Variants in RBFOX1 observed in about 807,000 individuals in gnomAD.
RBFOX1 encodes RNA binding fox-1 homolog 1.
RBFOX1 carries 8 observed loss-of-function variants against 57.7 expected under a neutral mutation model. The observed-to-expected ratio is 0.14, with a 90% confidence interval of 0.08 to 0.25. The LOEUF (loss-of-function observed/expected upper bound fraction) is 0.25, where lower values mean the gene tolerates loss of function less well. Ranked by LOEUF, RBFOX1 falls within the 10% of genes least tolerant of loss-of-function variation. The pLI is 1.00. For synonymous variants in RBFOX1, 326 were observed against 222.4 expected (o/e 1.47, Z -4.15); for missense variants, 611 against 548.5 (o/e 1.11, Z -1.14).
chr16:5,937,755 A>C (rs1224123992), intron 4 of RBFOX1, among the ~76,000 whole-genome samples: 2 of 149,330 alleles, frequency 1.3e-5, no homozygotes, highest in East Asian at 3.9e-4. Flanking sequence ...AAATATGTAC[A>C]GATACAAATA....
intron 3 of RBFOX1, among the ~76,000 whole-genome samples, chr16:5,850,932 G>C (rs146986318): frequency 2.0e-4 from 31 of 152,344 alleles, no homozygotes; most frequent in African/African-American, 7.0e-4. Flanking sequence ...CCTGGCTGGA[G>C]ATGGCATCGG....
intron 4 of RBFOX1, among the ~76,000 whole-genome samples, chr16:5,933,897 A>G (rs115281788): frequency 0.048 from 7,363 of 152,082 alleles, 625 homozygotes; most frequent in African/African-American, 0.17. Context: ...TCACTCAGGT[A>G]GTAAGCCTAG....
intron 3 of RBFOX1, among the ~76,000 whole-genome samples, chr16:5,855,487 C>G (rs1257944109): frequency 1.3e-5 from 2 of 152,130 alleles, no homozygotes; most frequent in Non-Finnish European, 2.9e-5. Context: ...ACTGTTCTTT[C>G]CACATTGTGT....
intron 4 of RBFOX1, among the ~76,000 whole-genome samples, chr16:5,969,941 G>A (rs2059930660): frequency 2.0e-5 from 3 of 152,064 alleles, no homozygotes; most frequent in African/African-American, 7.2e-5. Context: ...ACGTTTGCAG[G>A]GAGTTGACCA....
At chr16:7,491,400 G>A (rs1355791483) in intron 4 of RBFOX1, among the ~76,000 whole-genome samples, 2 of 150,966 alleles carry the variant, frequency 1.3e-5, no homozygotes, top group African/African-American at 4.8e-5. Context: ...TCTGCTGAAG[G>A]GCTGTGACTC....
At chr16:7,485,520 T>G (rs771631982) in intron 4 of RBFOX1, among the ~76,000 whole-genome samples, 1 of 152,168 alleles carries the variant, frequency 6.6e-6, no homozygotes, top group African/African-American at 2.4e-5. Context: ...ATGAGGTGAA[T>G]GAGCTGAGGA....
intron 4 of RBFOX1, among the ~76,000 whole-genome samples, chr16:7,109,050 C>T (rs147194841): frequency 6.6e-6 from 1 of 152,096 alleles, no homozygotes; most frequent in South Asian, 2.1e-4. Context: ...AAATACAAGA[C>T]ACTGCTAACT....
At chr16:5,392,976 G>C (rs2066455116) in intron 1 of RBFOX1, among the ~76,000 whole-genome samples, 1 of 152,132 alleles carries the variant, frequency 6.6e-6, no homozygotes, top group African/African-American at 2.4e-5. Flanking sequence ...GCCCTAGGGA[G>C]GTGTTGAGTG....
At chr16:5,261,636 G>A (rs370113720) in intron 1 of RBFOX1, among the ~76,000 whole-genome samples, 1 of 142,256 alleles carries the variant, frequency 7.0e-6, no homozygotes, top group African/African-American at 2.6e-5. Context: ...TGCAAGCTCC[G>A]CCTCCCGGGT....
At chr16:6,589,579 G>A (rs930343903) in intron 2 of RBFOX1, among the ~76,000 whole-genome samples, 3 of 152,142 alleles carry the variant, frequency 2.0e-5, no homozygotes, top group African/African-American at 7.2e-5. Context: ...TTACAATAGT[G>A]GTGTTATCCC....
In RBFOX1 at chr16:6,514,569, C is replaced by G. The variant is rs147640802; in HGVS notation, c.-63-140034C>G. ...GCTCTAGCAGTTGAAAGTGTAGGCA[C>G]GTATGTGGGGGAGCATTCCTGATGT... On this transcript the variant is annotated intron_variant, in intron 2 of 15. Transcript: ENST00000550418. Among the ~76,000 whole-genome samples the G allele has an allele frequency of 3.8e-3, 576 of 152,218 alleles. 2 individuals are homozygous for G. The Middle Eastern group carries it at 0.041, about 11-fold the overall frequency.
chr16:6,398,608 T>G (rs2092937380), intron 2 of RBFOX1, among the ~76,000 whole-genome samples: 1 of 152,184 alleles, frequency 6.6e-6, no homozygotes, highest in Non-Finnish European at 1.5e-5. Flanking sequence ...TCTTTAAACA[T>G]TAAAGTTCCC....
Position 5,365,910 on chromosome 16 carries a change from G to C in RBFOX1, c.220-101306G>C, listed in dbSNP as rs933203848. On this transcript the variant is annotated intron_variant, in intron 1 of 2. Transcript: ENST00000585867. ...CTTCAAGGTGGATAATGATGAAAAG[G>C]AGCACCAGTTATCTTTAAGAATGGT... is the stretch of plus-strand genomic sequence containing the variant. 7.0e-5 allele frequency: 35 copies of C among 500,038 alleles called. 1 individual carries two copies. The highest frequency in any genetic ancestry group is 3.7e-4 in the Admixed American group (18 of 48,778). 31.0% of individuals were successfully genotyped at this position (500,038 alleles called of 1,614,324 possible). A position where few individuals can be genotyped will look rare whatever the true frequency, so the allele number is the denominator to read the frequency against.
At chr16:7,102,988 G>GAC (rs142339537) in intron 4 of RBFOX1, among the ~76,000 whole-genome samples, 86 of 150,938 alleles carry the variant, frequency 5.7e-4, no homozygotes, top group African/African-American at 1.8e-3. Flanking sequence ...TGTGTGTACA[G>GAC]ACACACACAC....
At chr16:6,245,816 C>G (rs776135460) in intron 1 of RBFOX1, among the ~76,000 whole-genome samples, 3 of 152,202 alleles carry the variant, frequency 2.0e-5, no homozygotes, top group Non-Finnish European at 2.9e-5. Flanking sequence ...AGCCACTACA[C>G]TGTAATTCCA....
intron 4 of RBFOX1, among the ~76,000 whole-genome samples, chr16:7,303,308 C>T (rs576380175): frequency 1.3e-5 from 2 of 152,222 alleles, no homozygotes; most frequent in Admixed American, 1.3e-4. Context: ...CTCCCTCAGC[C>T]CAAGCTCCCT....
At chr16:7,419,925 C>CTTTTTTT (rs367626244) in intron 4 of RBFOX1, among the ~76,000 whole-genome samples, 6 of 101,728 alleles carry the variant, frequency 5.9e-5, no homozygotes, top group African/African-American at 1.3e-4. Flanking sequence ...TTCTTTCTTC[C>CTTTTTTT]TTTTTTTTTT....
At chr16:5,513,090 T>C (rs1373485946) in intron 2 of RBFOX1, among the ~76,000 whole-genome samples, 4 of 152,146 alleles carry the variant, frequency 2.6e-5, no homozygotes, top group Admixed American at 6.6e-5. Flanking sequence ...TTATTTCTTA[T>C]TTTTTGTACA....
intron 3 of RBFOX1, among the ~76,000 whole-genome samples, chr16:6,797,220 A>C (rs942498212): frequency 1.3e-5 from 2 of 152,160 alleles, no homozygotes; most frequent in Non-Finnish European, 2.9e-5. Context: ...AATCTGTCCA[A>C]ATTGGCCGTG....
Sources: allele counts gnomAD v4.1 joint callset (sites outside exome capture counted in the v4.1 genomes callset), GRCh38; gene constraint gnomAD v4.1.1; transcripts MANE v1.5; gene names NCBI Gene and HGNC (gene_info 2026-07-23, HGNC 2026-07-21).